The following ABTB2 variants were observed in gnomAD, a reference collection of about 807,000 sequenced individuals.
ABTB2 encodes ankyrin repeat and BTB/POZ domain-containing protein 2.
ABTB2 carries 56 observed loss-of-function variants against 104.1 expected under a neutral mutation model. The ratio of observed to expected loss-of-function variants is 0.54; its 90% confidence interval spans 0.43 to 0.67. ABTB2 has a LOEUF of 0.67. Among genes scored for constraint, ABTB2 ranks in the 30% least tolerant of loss-of-function variants. ABTB2 has a pLI of 0.00. For missense variants in ABTB2, 1,279 were observed against 1,407.7 expected (o/e 0.91, Z 1.46); for synonymous variants, 606 against 608.2 (o/e 1.00, Z 0.05).
At chr11:34,290,753 G>A (rs4141968) in intron 1 of ABTB2, among the ~76,000 whole-genome samples, 104,280 of 152,156 alleles carry the variant, frequency 0.69, 36,393 homozygotes, top group Non-Finnish European at 0.74. Context: ...AACAAAAGAA[G>A]AGTGTGTGCT....
At chr11:34,246,001 A>G (rs142629828) in intron 1 of ABTB2, among the ~76,000 whole-genome samples, 211 of 152,330 alleles carry the variant, frequency 1.4e-3, no homozygotes, top group African/African-American at 4.9e-3. Flanking sequence ...TCTGTCACTC[A>G]GGGACTGGCT....
At chr11:34,187,675 A>G (rs1853119694) in intron 3 of ABTB2, among the ~76,000 whole-genome samples, 1 of 151,846 alleles carries the variant, frequency 6.6e-6, no homozygotes, top group Non-Finnish European at 1.5e-5. Context: ...TTTTATTTTT[A>G]TAGAGATGGG....
chr11:34,159,505 G>T (rs1433416097), intron 13 of ABTB2, 119 bp from the exon 14 acceptor site: 21 of 695,668 alleles, frequency 3.0e-5, no homozygotes. Flanking sequence ...AAAAATTACT[G>T]CTGTGCTCCT....
intron 1 of ABTB2, among the ~76,000 whole-genome samples, chr11:34,319,613 A>G (rs1590254781): frequency 6.6e-6 from 1 of 151,824 alleles, no homozygotes; most frequent in Admixed American, 6.6e-5. Flanking sequence ...AAGTTATTTA[A>G]CCCCTCCCAG....
intron 1 of ABTB2, among the ~76,000 whole-genome samples, chr11:34,277,963 C>T (rs973414332): frequency 6.6e-6 from 1 of 151,442 alleles, no homozygotes; most frequent in Admixed American, 6.6e-5. Context: ...TGCCATCACA[C>T]CTGGCTAATT....
At chr11:34,296,863 G>A (rs1294390696) in intron 1 of ABTB2, among the ~76,000 whole-genome samples, 1 of 152,208 alleles carries the variant, frequency 6.6e-6, no homozygotes, top group African/African-American at 2.4e-5. Context: ...GAAGGCTGTA[G>A]GGACAGTGAT....
chr11:34,309,102 AG>A (rs1854818949), intron 1 of ABTB2, among the ~76,000 whole-genome samples: 2 of 152,340 alleles, frequency 1.3e-5, no homozygotes, highest in African/African-American at 4.8e-5. Context: ...CGTAAACTTC[AG>A]GCAGCCTCTA....
chr11:34,183,089 T>C (rs1399385887), intron 3 of ABTB2, among the ~76,000 whole-genome samples: 1 of 152,174 alleles, frequency 6.6e-6, no homozygotes, highest in African/African-American at 2.4e-5. Context: ...CAATTTGTCA[T>C]GCAAACTGGA....
intron 1 of ABTB2, among the ~76,000 whole-genome samples, chr11:34,276,218 TA>T (rs760725017): frequency 0.015 from 2,107 of 136,622 alleles, 10 homozygotes; most frequent in South Asian, 0.029. Context: ...CTTGTTTGGT[TA>T]AAAAAAAAAA....
chr11:34,313,795 T>G (rs1426350967), intron 1 of ABTB2, among the ~76,000 whole-genome samples: 1 of 151,662 alleles, frequency 6.6e-6, no homozygotes, highest in Non-Finnish European at 1.5e-5. Flanking sequence ...TGCCTGATGA[T>G]GAACACACAC....
intron 1 of ABTB2, among the ~76,000 whole-genome samples, chr11:34,317,639 G>A (rs908069699): frequency 1.3e-5 from 2 of 151,806 alleles, no homozygotes; most frequent in Non-Finnish European, 2.9e-5. Context: ...TCAGGTGCCT[G>A]TAGTCCCAGC....
intron 3 of ABTB2, among the ~76,000 whole-genome samples, chr11:34,174,896 C>T (rs1246342388): frequency 6.6e-6 from 1 of 152,264 alleles, no homozygotes; most frequent in Non-Finnish European, 1.5e-5. Context: ...CAGCCCTTCC[C>T]GATGCCACTC....
chr11:34,306,510 G>T (rs761779446), intron 1 of ABTB2, among the ~76,000 whole-genome samples: 3 of 152,040 alleles, frequency 2.0e-5, no homozygotes, highest in South Asian at 2.1e-4. Context: ...AGCTCCCAAA[G>T]TGCTATGATT....
intron 1 of ABTB2, among the ~76,000 whole-genome samples, chr11:34,317,341 T>C (rs768524887): frequency 7.9e-5 from 12 of 152,162 alleles, no homozygotes; most frequent in Non-Finnish European, 1.8e-4. Flanking sequence ...ATAATCTTCC[T>C]GGGCAAGGGA....
intron 1 of ABTB2, among the ~76,000 whole-genome samples, chr11:34,341,921 G>C (rs1224817950): frequency 1.3e-5 from 2 of 152,316 alleles, no homozygotes; most frequent in African/African-American, 2.4e-5. Flanking sequence ...TAAGGAAAAA[G>C]ATTAAACGTG....
At chr11:34,269,064 GT>G (rs1854283133) in intron 1 of ABTB2, among the ~76,000 whole-genome samples, 1 of 152,220 alleles carries the variant, frequency 6.6e-6, no homozygotes, top group Non-Finnish European at 1.5e-5. Context: ...TGCCCTTTGT[GT>G]TTCTTGCCAG....
Position 34,357,588 on chromosome 11 carries a change from A to G in ABTB2, c.-5T>C. 6.7e-7 allele frequency: 1 copy of G among 1,503,142 alleles called. No homozygotes were observed. Among genetic ancestry groups the G allele is most frequent in the Non-Finnish European group, 8.9e-7 (1 of 1,124,952 alleles). 93.1% of individuals were successfully genotyped at this position (1,503,142 alleles called of 1,614,324 possible). A position where few individuals can be genotyped will look rare whatever the true frequency, so the allele number is the denominator to read the frequency against. ...CGAGCTGTACGTCCCGGCCATGGGGAGCCTGCCGAGGGCGGCGTCGCCGAG... is the reference window on the plus strand; with the variant it reads ...CGAGCTGTACGTCCCGGCCATGGGGGGCCTGCCGAGGGCGGCGTCGCCGAG... On this transcript the variant is annotated 5_prime_UTR_variant, in exon 1 of 17. Transcript: ENST00000435224.
At chr11:34,235,333 C>T (rs190364623) in intron 1 of ABTB2, among the ~76,000 whole-genome samples, 6 of 152,234 alleles carry the variant, frequency 3.9e-5, no homozygotes, top group Admixed American at 2.0e-4. Flanking sequence ...GACCATGACC[C>T]GGGGTAAGTA....
At chr11:34,235,107 T>C (rs1361055827) in intron 1 of ABTB2, among the ~76,000 whole-genome samples, 1 of 152,114 alleles carries the variant, frequency 6.6e-6, no homozygotes, top group Non-Finnish European at 1.5e-5. Flanking sequence ...GTGATCCGCC[T>C]GCCTTAGCCA....
Sources: gnomAD v4.1 joint callset for allele counts (sites outside exome capture counted in the v4.1 genomes callset) on GRCh38, gnomAD v4.1.1 for gene constraint, MANE v1.5 for transcripts, NCBI Gene and HGNC (gene_info 2026-07-23, HGNC 2026-07-21) for gene names.